Variants in ARHGAP8 observed in about 807,000 individuals in gnomAD.
The protein encoded by ARHGAP8 is rho GTPase-activating protein 8.
A neutral mutation model predicts 46.1 loss-of-function variants in ARHGAP8; 62 were observed. The ratio of observed to expected loss-of-function variants is 1.34; its 90% CI spans 1.10 to 1.66. The LOEUF is 1.66. Ranked by LOEUF, ARHGAP8 falls within the 40% of genes most tolerant of loss-of-function variation. The pLI is 0.00. For synonymous variants in ARHGAP8, 375 were observed against 243.1 expected (o/e 1.54, Z -5.05); for missense variants, 923 against 568.4 (o/e 1.62, Z -6.34).
At chr22:44,763,491 CAAAAAAAAAAAA>C (rs370437700) in intron 1 of ARHGAP8, among the ~76,000 whole-genome samples, 2 of 78,506 alleles carry the variant, frequency 2.5e-5, no homozygotes, top group Non-Finnish European at 4.8e-5. Context: ...GACTCTGTCT[CAAAAAAAAAAAA>C]AAAAAAAAAG....
intron 4 of ARHGAP8, among the ~76,000 whole-genome samples, chr22:44,811,404 G>T (rs1005378452): frequency 4.6e-5 from 7 of 152,234 alleles, no homozygotes; most frequent in Non-Finnish European, 1.0e-4. Flanking sequence ...GAGCCACGCA[G>T]GTGGAGAGAC....
At chr22:44,859,379 T>A (rs1486884065) in intron 10 of ARHGAP8, among the ~76,000 whole-genome samples, 1 of 152,172 alleles carries the variant, frequency 6.6e-6, no homozygotes, top group Non-Finnish European at 1.5e-5. Flanking sequence ...TGCTCCTGTT[T>A]TTGCCACGTG....
intron 10 of ARHGAP8, among the ~76,000 whole-genome samples, chr22:44,858,533 C>CATTTTTTT (rs2070310337): frequency 1.1e-5 from 1 of 89,784 alleles, no homozygotes; most frequent in African/African-American, 4.6e-5. Context: ...CCATACCCGG[C>CATTTTTTT]TTTTTTTTTT....
chr22:44,862,526 A>C lies in ARHGAP8; in HGVS notation c.1233A>C (p.Thr411=), dbSNP rs1309516497. ...CTTTGCAGGAGGCTGTGCCACGGAC[A>C]CAAGCCACGGGCCTCACCAAGCCTA... ...AAPLQEAVPR[T]QATGLTKPTL... is the part of the protein sequence containing the mutation. The change falls in exon 12 of 12, where the codon ACA becomes ACC. Residue 411 remains threonine, a synonymous_variant. Transcript: ENST00000356099. 5 of 1,611,406 alleles carry C rather than the reference A, an allele frequency of 3.1e-6. No individual in the cohort carries two copies. Among genetic ancestry groups the C allele is most frequent in the African/African-American group, 1.3e-5 (1 of 74,878 alleles).
chr22:44,859,650 C>G (rs545273939), intron 10 of ARHGAP8, 81 bp from the exon 11 acceptor site: 5 of 1,483,430 alleles, frequency 3.4e-6, no homozygotes, highest in South Asian at 2.3e-5. Context: ...CCTTCCTACA[C>G]CCCTGTTCTC....
chr22:44,801,371 G>A (rs1170112657), intron 2 of ARHGAP8, among the ~76,000 whole-genome samples: 1 of 128,548 alleles, frequency 7.8e-6, no homozygotes, highest in Non-Finnish European at 1.7e-5. Flanking sequence ...TATGTGTGGG[G>A]GCACCTCTCC....
chr22:44,833,355 G>T (rs1931089525), intron 7 of ARHGAP8, among the ~76,000 whole-genome samples: 1 of 151,980 alleles, frequency 6.6e-6, no homozygotes, highest in African/African-American at 2.4e-5. Context: ...TGGTTGGTTG[G>T]TTGGTTGGTT....
At chr22:44,841,904 G>A (rs1931677063) in intron 7 of ARHGAP8, among the ~76,000 whole-genome samples, 2 of 152,374 alleles carry the variant, frequency 1.3e-5, no homozygotes, top group African/African-American at 4.8e-5. Flanking sequence ...ACACAGAGAG[G>A]AAGGGGACGC....
intron 2 of ARHGAP8, among the ~76,000 whole-genome samples, chr22:44,798,934 T>C (rs146143192): frequency 6.6e-6 from 1 of 152,300 alleles, no homozygotes; most frequent in East Asian, 1.9e-4. Context: ...GCTGGACTTT[T>C]AAAAATGTGA....
At chr22:44,774,837 G>T (rs115615641) in intron 1 of ARHGAP8, among the ~76,000 whole-genome samples, 5,162 of 151,416 alleles carry the variant, frequency 0.034, 276 homozygotes, top group African/African-American at 0.12. Context: ...TTGGAGGGGT[G>T]GGGGCGGGGG....
At chr22:44,859,956 A>C (rs562307063) in intron 11 of ARHGAP8, 122 bp downstream of exon 11, 11 of 1,166,654 alleles carry the variant, frequency 9.4e-6, no homozygotes, top group South Asian at 1.5e-5. Context: ...GGGCCTCGGA[A>C]TACCACTCCC....
chr22:44,760,588 C>T (rs1356534578), intron 1 of ARHGAP8, among the ~76,000 whole-genome samples: 1 of 152,206 alleles, frequency 6.6e-6, no homozygotes, highest in Non-Finnish European at 1.5e-5. Context: ...GCACATCGGA[C>T]TTGCCACTCA....
chr22:44,776,209 T>C (rs1926405248), intron 1 of ARHGAP8, among the ~76,000 whole-genome samples: 1 of 152,120 alleles, frequency 6.6e-6, no homozygotes, highest in Admixed American at 6.6e-5. Flanking sequence ...TCAGCACTTT[T>C]GGAGGCTGAG....
intron 5 of ARHGAP8, among the ~76,000 whole-genome samples, chr22:44,820,081 CT>C (rs1396406210): frequency 6.3e-5 from 7 of 110,458 alleles, no homozygotes; most frequent in African/African-American, 2.7e-4. Flanking sequence ...CTCTGAGGCC[CT>C]GGGTCTCGCC....
chr22:44,808,375 T>G lies in ARHGAP8; in HGVS notation c.236T>G (p.Leu79Arg). The G allele has an allele frequency of 6.2e-7, 1 of 1,614,270 alleles. No homozygotes were observed. Among genetic ancestry groups the G allele is most frequent in the Non-Finnish European group, 8.5e-7 (1 of 1,180,050 alleles). ...ACCATCGTCTATTTCCACTACGGGC[T>G]GAACAGCCGGAACAAGCCTTCCCTG... Reference protein sequence around the residue: ...DYTIVYFHYGLNSRNKPSLGW... With the variant: ...DYTIVYFHYGRNSRNKPSLGW... The change falls in exon 4 of 12, where the codon CTG becomes CGG. Residue 79 changes from leucine (L) to arginine (R), a missense_variant. By Grantham distance (102) the Leu-to-Arg change is moderately radical. Transcript: ENST00000356099.
intron 5 of ARHGAP8, 82 bp downstream of exon 5, chr22:44,814,840 C>T (rs369508954): frequency 1.3e-5 from 20 of 1,511,056 alleles, no homozygotes; most frequent in East Asian, 4.6e-5. Context: ...TCCCTATCCA[C>T]GCATCATGGA....
intron 7 of ARHGAP8, among the ~76,000 whole-genome samples, chr22:44,844,038 C>T (rs1372718522): frequency 1.3e-5 from 2 of 152,194 alleles, no homozygotes; most frequent in African/African-American, 4.8e-5. Context: ...GTGGTGCGAT[C>T]TTGGCTCCCT....
At chr22:44,766,574 G>A (rs1157314771) in intron 1 of ARHGAP8, among the ~76,000 whole-genome samples, 3 of 152,108 alleles carry the variant, frequency 2.0e-5, no homozygotes, top group Admixed American at 2.0e-4. Context: ...CTGGGTGCAT[G>A]TATGTGCATG....
At chr22:44,844,696 C>G (rs558164011) in intron 7 of ARHGAP8, among the ~76,000 whole-genome samples, 1 of 152,332 alleles carries the variant, frequency 6.6e-6, no homozygotes, top group South Asian at 2.1e-4. Context: ...CTCCTGGGCT[C>G]AAGTGATCCG....
Sources: allele counts gnomAD v4.1 joint callset (sites outside exome capture counted in the v4.1 genomes callset), GRCh38; gene constraint gnomAD v4.1.1; transcripts MANE v1.5; gene names NCBI Gene and HGNC (gene_info 2026-07-23, HGNC 2026-07-21).